SYT2: variants seen among roughly 807,000 people sequenced by gnomAD.
The protein encoded by SYT2 is synaptotagmin 2, also known as synaptotagmin-2.
Under a neutral mutation model 39.9 loss-of-function variants are expected in SYT2, and 15 were observed. That is an observed-to-expected ratio of 0.38 (90% CI 0.25 to 0.58). SYT2 has a LOEUF of 0.58. Ranked by LOEUF, SYT2 falls within the 20% of genes least tolerant of loss-of-function variation. The probability of loss-of-function intolerance (pLI) is 0.70; values close to 1 mark genes in which losing one functional copy is unlikely to be tolerated. For synonymous variants in SYT2, 181 were observed against 204.5 expected, an observed-to-expected ratio of 0.89 and a Z score of 0.98; for missense variants, 389 against 530.3, an observed-to-expected ratio of 0.73 and a Z score of 2.62.
At position 202,596,531 on chromosome 1, in the gene SYT2, G is replaced by C; in HGVS notation, c.*226C>G. The stretch of plus-strand genomic sequence containing the variant: ...GGCATGCAGCAAGGACAGCTCCTGG[G>C]ACCGTGAACAGAGCCAGGCTTCTCT... On this transcript the variant is annotated 3_prime_UTR_variant, in exon 9 of 9. Coordinates refer to ENST00000367268, the MANE Select transcript of SYT2 (RefSeq NM_177402.5). 1 of 511,050 alleles carries C rather than the reference G, an allele frequency of 2.0e-6. No homozygotes were observed. Among genetic ancestry groups the C allele is most frequent in the Admixed American group, 3.6e-5 (1 of 27,458 alleles). 31.7% of individuals were successfully genotyped at this position (511,050 alleles called of 1,614,324 possible).
chr1:202,602,000 G>A lies in SYT2; in HGVS notation c.691C>T (p.Arg231Cys), dbSNP rs1690520588. ...CCAATGATGTCATGTTTGGAGAAGC[G>A]GTCAAAGTCATAGATGGCCATCACC... ...TLVMAIYDFDRFSKHDIIGEV... is the reference protein window; with the variant it reads ...TLVMAIYDFDCFSKHDIIGEV... The change falls in exon 6 of 9, where the codon CGC becomes TGC. Residue 231 changes from arginine (R) to cysteine (C), a missense_variant. Physicochemically the swap from Arg to Cys is radical, Grantham distance 180. Coordinates refer to ENST00000367268, the MANE Select transcript of SYT2 (RefSeq NM_177402.5). This position sits in a 1 kb window ranked among gnomAD's most constrained non-coding sequence, Gnocchi z 4.0. 2.5e-6 allele frequency: 4 copies of A among 1,614,144 alleles called. No individual in the cohort carries two copies. The highest frequency in any genetic ancestry group is 3.4e-6 in the Non-Finnish European group (4 of 1,180,036).
chr1:202,643,961 G>C (rs571139965), intron 1 of SYT2, among the ~76,000 whole-genome samples: 26 of 152,228 alleles, frequency 1.7e-4, no homozygotes, highest in Admixed American at 3.9e-4. Context: ...ATGGCCTGCG[G>C]GCAGGGGTGG....
Position 202,675,766 on chromosome 1 carries a change from A to G in SYT2, c.-18+34492T>C, listed in dbSNP as rs12565769. On this transcript the variant is annotated intron_variant, in intron 1 of 8. Transcript: ENST00000367268. Reference sequence around the variant, plus strand: ...ACCGGTCCAAGCAGCCAGGCTAATAATCCTGAAACAACACCTAGAGGACCA... The same window carrying G: ...ACCGGTCCAAGCAGCCAGGCTAATAGTCCTGAAACAACACCTAGAGGACCA... 1.9e-3 allele frequency among the ~76,000 whole-genome samples: 288 copies of G among 152,280 alleles called. 7 individuals are homozygous for G. The South Asian group carries it at 0.031, about 16-fold the overall frequency.
At chr1:202,622,961 C>G (rs1691245266) in intron 1 of SYT2, among the ~76,000 whole-genome samples, 1 of 152,184 alleles carries the variant, frequency 6.6e-6, no homozygotes, top group South Asian at 2.1e-4. Flanking sequence ...ATCACACAAA[C>G]AACACCGCTA....
At chr1:202,597,060 G>T in intron 8 of SYT2, 97 bp from the exon 9 acceptor site, 1 of 1,102,894 alleles carries the variant, frequency 9.1e-7, no homozygotes, top group Non-Finnish European at 1.3e-6. Flanking sequence ...TGATTGGGAA[G>T]GTAAGGCCTC....
intron 1 of SYT2, among the ~76,000 whole-genome samples, chr1:202,678,973 C>G (rs1653456690): frequency 1.3e-5 from 2 of 152,170 alleles, no homozygotes; most frequent in African/African-American, 4.8e-5. Context: ...TTCAGAGGTC[C>G]CCAGTGGCCT....
rs181882229 is a variant in SYT2, at chr1:202,694,444, T to C, written c.-18+15814A>G. 1.4e-4 allele frequency among the ~76,000 whole-genome samples: 22 copies of C among 152,316 alleles called. No homozygotes were observed. In the East Asian group the frequency reaches 4.0e-3, roughly 28 times the overall value. On this transcript the variant is annotated intron_variant, in intron 1 of 8. Coordinates refer to ENST00000367268, the MANE Select transcript of SYT2 (RefSeq NM_177402.5). Reference sequence around the variant, plus strand: ...ACCACATACAAAGAGGCTGTTTTAGTAGGCGATGCACAGAATCCTGAATTT... The same window carrying C: ...ACCACATACAAAGAGGCTGTTTTAGCAGGCGATGCACAGAATCCTGAATTT...
At chr1:202,644,312 C>T (rs1044955293) in intron 1 of SYT2, among the ~76,000 whole-genome samples, 7 of 152,072 alleles carry the variant, frequency 4.6e-5, no homozygotes, top group Non-Finnish European at 1.0e-4. Context: ...GCCACGGACC[C>T]GACACCTCCC....
At chr1:202,625,756 C>T (rs889778514) in intron 1 of SYT2, among the ~76,000 whole-genome samples, 6 of 151,988 alleles carry the variant, frequency 3.9e-5, no homozygotes, top group African/African-American at 1.2e-4. Flanking sequence ...GGTGGGCAAC[C>T]GGTGGGAGGC....
intron 1 of SYT2, among the ~76,000 whole-genome samples, chr1:202,654,237 A>C (rs990193736): frequency 1.3e-5 from 2 of 152,192 alleles, no homozygotes; most frequent in Non-Finnish European, 2.9e-5. Context: ...GGATGAGCTA[A>C]TTAACTTAAC....
intron 1 of SYT2, among the ~76,000 whole-genome samples, chr1:202,646,708 T>C (rs1692090919): frequency 6.6e-6 from 1 of 152,208 alleles, no homozygotes; most frequent in African/African-American, 2.4e-5. Flanking sequence ...ACTAGCGCAG[T>C]GCCATTCTTG....
chr1:202,644,023 G>A (rs1487849701), intron 1 of SYT2, among the ~76,000 whole-genome samples: 1 of 152,184 alleles, frequency 6.6e-6, no homozygotes, highest in Non-Finnish European at 1.5e-5. Context: ...CCTGAGTCAA[G>A]GGAGAGAAGG....
rs192163140 is a variant in SYT2 at position 202,662,046 on chromosome 1, G to A, written c.-18+48212C>T. On this transcript the variant is annotated intron_variant, in intron 1 of 8. Transcript: ENST00000367268. Reference sequence around the variant, plus strand: ...GTGTGATCACAATGCAATGTACAACGTATGATGATCAGTGTGGTGGGAACA... The same window carrying A: ...GTGTGATCACAATGCAATGTACAACATATGATGATCAGTGTGGTGGGAACA... 5.8e-4 allele frequency among the ~76,000 whole-genome samples: 89 copies of A among 152,312 alleles called. 1 individual carries two copies. Among genetic ancestry groups the A allele is most frequent in the South Asian group, 2.9e-3 (14 of 4,824 alleles).
At chr1:202,698,851 A>G (rs1314230749) in intron 1 of SYT2, among the ~76,000 whole-genome samples, 1 of 152,138 alleles carries the variant, frequency 6.6e-6, no homozygotes, top group Non-Finnish European at 1.5e-5. Flanking sequence ...CAACTCTTAG[A>G]GGGCCTGCTC....
chr1:202,633,010 T>G (rs1691639158), intron 1 of SYT2: 1 of 152,168 alleles, frequency 6.6e-6, no homozygotes, highest in South Asian at 2.1e-4. Flanking sequence ...GTAAGGAATA[T>G]GGACTAAAGG....
intron 1 of SYT2, among the ~76,000 whole-genome samples, chr1:202,659,247 G>T (rs1692336293): frequency 6.6e-6 from 1 of 152,166 alleles, no homozygotes; most frequent in African/African-American, 2.4e-5. Context: ...GTGTTCTTCT[G>T]ATCTTGGGTT....
At chr1:202,609,254 C>A (rs1036772893) in intron 1 of SYT2, among the ~76,000 whole-genome samples, 1 of 151,986 alleles carries the variant, frequency 6.6e-6, no homozygotes, top group Non-Finnish European at 1.5e-5. Flanking sequence ...ATGTGTGCCA[C>A]ATTTTCTTAA....
At chr1:202,671,543 C>T (rs866605226) in intron 1 of SYT2, among the ~76,000 whole-genome samples, 3 of 152,340 alleles carry the variant, frequency 2.0e-5, no homozygotes, top group Middle Eastern at 3.4e-3. Context: ...AGCTGGAAGT[C>T]GCTTTTGCCC....
chr1:202,644,999 C>T (rs1311964667), intron 1 of SYT2, among the ~76,000 whole-genome samples: 4 of 152,156 alleles, frequency 2.6e-5, no homozygotes, highest in Admixed American at 2.0e-4. Context: ...CAGGGATTTC[C>T]GGGCGGCTCC....
Sources: allele counts gnomAD v4.1 joint callset (sites outside exome capture counted in the v4.1 genomes callset), GRCh38; gene constraint gnomAD v4.1.1; non-coding constraint Gnocchi (gnomAD v3.1); transcripts MANE v1.5; gene names NCBI Gene and HGNC (gene_info 2026-07-23, HGNC 2026-07-21).